MED17: variants seen among roughly 807,000 people sequenced by gnomAD.
MED17 encodes the protein mediator of RNA polymerase II transcription subunit 17.
MED17 carries 49 observed loss-of-function variants against 80.8 expected under a neutral mutation model. The ratio of observed to expected loss-of-function variants is 0.61; its 90% CI spans 0.48 to 0.77. MED17 has a LOEUF of 0.77. Ranked by LOEUF, MED17 falls within the 30% of genes least tolerant of loss-of-function variation. The pLI is 0.00. For synonymous variants in MED17, 281 were observed against 280.4 expected (o/e 1.00, Z -0.02); for missense variants, 718 against 787.0 (o/e 0.91, Z 1.05).
intron 2 of MED17, chr11:93,788,878 C>CT (rs1178881727): frequency 1.3e-5 from 2 of 152,086 alleles, no homozygotes; most frequent in Non-Finnish European, 2.9e-5. Context: ...GTTATTTTCT[C>CT]TTAAGTCCCT....
At chr11:93,809,306 T>C in intron 10 of MED17, 1 of 322,890 alleles carries the variant, frequency 3.1e-6, no homozygotes, top group Non-Finnish European at 6.1e-6. Flanking sequence ...TGTCTCCCAT[T>C]ACCTGAACCC....
chr11:93,784,730 G>A lies in MED17; in HGVS notation c.217G>A (p.Ala73Thr). ...TEGDAQEWPG[A>T]GSSADQDDEE... ...GGGCGACGCGCAGGAGTGGCCGGGC[G>A]CCGGGTCCAGCGCAGACCAGGACGA... Residue 73 changes from alanine (A) to threonine (T), a missense_variant, in exon 1 of 12, where the codon GCC becomes ACC. Ala to Thr is a moderately conservative substitution (Grantham distance 58). Coordinates refer to ENST00000251871, the MANE Select transcript of MED17 (RefSeq NM_004268.5). 1 of 1,543,202 alleles carries A rather than the reference G, an allele frequency of 6.5e-7. No individual in the cohort carries two copies.
At position 93,790,666 on chromosome 11, in the gene MED17, A is replaced by G. The variant is rs1479231013; in HGVS notation, c.510A>G (p.Ser170=). Residue 170 remains serine, a synonymous_variant, in exon 3 of 12, where the codon TCA becomes TCG. Coordinates refer to ENST00000251871, the MANE Select transcript of MED17 (RefSeq NM_004268.5). ...AGGGGGCAGAAAGACTGACTAAATCAGTTACCGAAAACCAAGAAAACAAGC... is the reference window on the plus strand; with the variant it reads ...AGGGGGCAGAAAGACTGACTAAATCGGTTACCGAAAACCAAGAAAACAAGC... The part of the protein sequence containing the change: ...LLKGAERLTK[S]VTENQENKLQ... The G allele has an allele frequency of 8.1e-6, 13 of 1,614,254 alleles. No individual in the cohort carries two copies. Among genetic ancestry groups the G allele is most frequent in the Non-Finnish European group, 1.1e-5 (13 of 1,180,034 alleles).
intron 10 of MED17, chr11:93,808,587 AC>A (rs1450772138): frequency 7.0e-6 from 1 of 143,630 alleles, no homozygotes; most frequent in Non-Finnish European, 1.5e-5. Context: ...TTTTTTTTTC[AC>A]ATTAAAAAAA....
rs1374245668 is a variant in MED17, at chr11:93,784,740, G to C, written c.227G>C (p.Ser76Thr). The C allele has an allele frequency of 6.5e-7, 1 of 1,542,464 alleles. No homozygotes were observed. Among genetic ancestry groups the C allele is most frequent in the Admixed American group, 2.0e-5 (1 of 51,032 alleles). Residue 76 changes from serine to threonine, a missense_variant, in exon 1 of 12, where the codon AGC becomes ACC. Coordinates refer to ENST00000251871, the MANE Select transcript of MED17 (RefSeq NM_004268.5). ...CAGGAGTGGCCGGGCGCCGGGTCCA[G>C]CGCAGACCAGGACGACGAGGAAGGT... ...DAQEWPGAGS[S>T]ADQDDEEGVV...
intron 8 of MED17, among the ~76,000 whole-genome samples, chr11:93,798,285 C>T (rs1943926397): frequency 6.6e-6 from 1 of 152,132 alleles, no homozygotes; most frequent in African/African-American, 2.4e-5. Context: ...TTTATATACA[C>T]TGCTTACAAA....
Position 93,812,078 on chromosome 11 carries a change from T to C in MED17, c.*14T>C, listed in dbSNP as rs1252857683. 1.2e-6 allele frequency: 2 copies of C among 1,611,174 alleles called. No individual in the cohort carries two copies. The highest frequency in any genetic ancestry group is 1.7e-6 in the Non-Finnish European group (2 of 1,177,518). ...TGTCTACTATGATTTTTTCCAGATG[T>C]TTCCTAAAGAAGTTTCCAGAAACTT... On this transcript the variant is annotated 3_prime_UTR_variant, in exon 12 of 12. Coordinates refer to ENST00000251871, the MANE Select transcript of MED17 (RefSeq NM_004268.5).
chr11:93,790,721 C>T lies in MED17; in HGVS notation c.565C>T (p.Arg189Ter), dbSNP rs372097081. Residue 189 changes from arginine to a stop codon, truncating the protein, a stop_gained, in exon 3 of 12, where the codon CGA becomes TGA. Transcript: ENST00000251871. LOFTEE classifies it high-confidence loss of function. ...AAGAGACTTCAATTCTGAGCTTTTG[C>T]GATTACGGCAACACTGGAAACTTCG... ...LQRDFNSELL[R>*]LRQHWKLRKV... 28 of 1,614,024 alleles carry T rather than the reference C, an allele frequency of 1.7e-5. No individual in the cohort carries two copies. The highest frequency in any genetic ancestry group is 2.2e-5 in the Non-Finnish European group (26 of 1,180,020).
intron 8 of MED17, chr11:93,800,997 T>C (rs942634627): frequency 6.6e-6 from 1 of 152,194 alleles, no homozygotes; most frequent in Admixed American, 6.5e-5. Context: ...GTTTGGTTAA[T>C]TTAAATGATT....
intron 9 of MED17, among the ~76,000 whole-genome samples, chr11:93,803,193 T>C (rs1380804074): frequency 1.3e-5 from 2 of 152,204 alleles, no homozygotes; most frequent in South Asian, 2.1e-4. Context: ...CAAAGCATAC[T>C]GTGAAACACA....
intron 9 of MED17, among the ~76,000 whole-genome samples, chr11:93,803,934 T>C (rs1189856797): frequency 1.3e-5 from 2 of 150,262 alleles, no homozygotes; most frequent in African/African-American, 4.9e-5. Flanking sequence ...TAGGGTTCTC[T>C]AGAGGGACAG....
Position 93,784,611 on chromosome 11 carries a change from C to A in MED17, c.98C>A (p.Pro33Gln), listed in dbSNP as rs11539353. The A allele has an allele frequency of 6.2e-7, 1 of 1,600,876 alleles. No homozygotes were observed. Among genetic ancestry groups the A allele is most frequent in the South Asian group, 1.1e-5 (1 of 88,992 alleles). Residue 33 changes from proline to glutamine, a missense_variant, in exon 1 of 12, where the codon CCG becomes CAG. Transcript: ENST00000251871. ...GLDGTETYLP[P>Q]LSMSQNLARL... ...GATGGCACCGAGACGTACCTGCCCCCGCTGTCCATGTCGCAGAATCTGGCG... is the reference window on the plus strand; with the variant it reads ...GATGGCACCGAGACGTACCTGCCCCAGCTGTCCATGTCGCAGAATCTGGCG...
intron 6 of MED17, chr11:93,795,964 TGA>T: frequency 6.0e-6 from 1 of 167,238 alleles, no homozygotes; most frequent in Admixed American, 5.8e-5. Context: ...TTTTTTTTTT[TGA>T]GATGAAGTTT....
rs773807541 is a variant in MED17, at chr11:93,784,537, G to A, written c.24G>A (p.Arg8=). 1.1e-5 allele frequency: 18 copies of A among 1,611,642 alleles called. No individual in the cohort carries two copies. The highest frequency in any genetic ancestry group is 1.5e-5 in the Non-Finnish European group (18 of 1,179,518). The stretch of plus-strand genomic sequence containing the variant: ...GCATGTCCGGGGTGCGCGCAGTGCG[G>A]ATCAGCATCGAATCGGCCTGCGAGA... MSGVRAV[R]ISIESACEKQ... The change falls in exon 1 of 12, where the codon CGG becomes CGA. Residue 8 remains arginine (R), a synonymous_variant. Transcript: ENST00000251871.
At chr11:93,795,274 A>G (rs1943887731) in intron 6 of MED17, 5 of 631,674 alleles carry the variant, frequency 7.9e-6, no homozygotes, top group Non-Finnish European at 1.4e-5. Context: ...TAAGCTACAT[A>G]TTAAAAATTT....
Position 93,794,781 on chromosome 11 carries a change from G to GA in MED17, c.860-119dup, listed in dbSNP as rs142105765. ...GACAGTCTCTATAGAGACTGAATAGGAAAAAAAAGAATATACCGTAATGTA... is the reference window on the plus strand; with the variant it reads ...GACAGTCTCTATAGAGACTGAATAGGAAAAAAAAAGAATATACCGTAATGTA... On this transcript the variant is annotated intron_variant, in intron 5 of 11. Coordinates refer to ENST00000251871, the MANE Select transcript of MED17 (RefSeq NM_004268.5). 0.012 allele frequency: 12,262 copies of GA among 1,031,528 alleles called. 968 individuals carry two copies. In the African/African-American group the frequency reaches 0.17, roughly 15 times the overall value. 63.9% of individuals were successfully genotyped at this position (1,031,528 alleles called of 1,614,324 possible).
intron 8 of MED17, among the ~76,000 whole-genome samples, chr11:93,800,120 CAT>C (rs1367161913): frequency 1.3e-5 from 2 of 152,076 alleles, no homozygotes; most frequent in Non-Finnish European, 2.9e-5. Flanking sequence ...TGCTCACACA[CAT>C]ACTTACCTTC....
In MED17 at chr11:93,797,683, TAATTAAAC is replaced by T; in HGVS notation, c.1295_1302del (p.Ile432SerfsTer9). Reference sequence around the variant, plus strand: ...TCCAGTGAAGGGCTTCTGGAAAAAATAATTAAACAAGCAAAGCATATTTTTCTAAGGAG... The same window carrying T: ...TCCAGTGAAGGGCTTCTGGAAAAAATAAGCAAAGCATATTTTTCTAAGGAG... On this transcript the variant is annotated frameshift_variant, in exon 8 of 12. Transcript: ENST00000251871. LOFTEE classifies it high-confidence loss of function. 1 of 1,613,616 alleles carries T rather than the reference TAATTAAAC, an allele frequency of 6.2e-7. No individual in the cohort carries two copies. The highest frequency in any genetic ancestry group is 1.1e-5 in the South Asian group (1 of 91,044).
intron 1 of MED17, among the ~76,000 whole-genome samples, chr11:93,785,101 G>A (rs1009191629): frequency 6.6e-6 from 1 of 152,226 alleles, no homozygotes; most frequent in Non-Finnish European, 1.5e-5. Flanking sequence ...CCCCTTGCCG[G>A]CTGTGTGACC....
Sources: gnomAD v4.1 joint callset for allele counts (sites outside exome capture counted in the v4.1 genomes callset) on GRCh38, gnomAD v4.1.1 for gene constraint, MANE v1.5 for transcripts, NCBI Gene and HGNC (gene_info 2026-07-23, HGNC 2026-07-21) for gene names.